TJP3: variants seen among roughly 807,000 people sequenced by gnomAD.
TJP3 encodes tight junction protein 3.
TJP3 carries 85 observed loss-of-function variants against 104.2 expected under a neutral mutation model. The observed-to-expected ratio is 0.82, with a 90% CI of 0.68 to 0.98. The LOEUF (loss-of-function observed/expected upper bound fraction) is 0.98. Ranked by LOEUF, TJP3 falls within the 50% of genes least tolerant of loss-of-function variation. The pLI is 0.00. For missense variants in TJP3, 1,367 were observed against 1,322.8 expected, an observed-to-expected ratio of 1.03 and a Z score of -0.52; for synonymous variants, 550 against 550.6, an observed-to-expected ratio of 1.00 and a Z score of 0.02.
At chr19:3,715,291 G>A (rs1356736722) in intron 1 of TJP3, among the ~76,000 whole-genome samples, 5 of 151,976 alleles carry the variant, frequency 3.3e-5, no homozygotes, top group African/African-American at 7.2e-5. Flanking sequence ...GGGTTTCACC[G>A]TGTTATCCAG....
chr19:3,721,666 C>A, intron 1 of TJP3: 1 of 343,126 alleles, frequency 2.9e-6, no homozygotes, highest in Non-Finnish European at 5.2e-6. Context: ...AAACCTCCGC[C>A]GCGTCCAGGG....
Position 3,723,235 on chromosome 19 carries a change from A to C in TJP3, c.-9-5189A>C, listed in dbSNP as rs745602792. Among the ~76,000 whole-genome samples, 4 of 152,184 alleles carry C rather than the reference A, an allele frequency of 2.6e-5. No homozygotes were observed. The South Asian group carries it at 8.3e-4, about 31-fold the overall frequency. On this transcript the variant is annotated intron_variant, in intron 1 of 20. Coordinates refer to ENST00000541714, the MANE Select transcript of TJP3 (RefSeq NM_001267560.2). ...ATCCACTCTGACATCCCACACCCCA[A>C]TCATCACATTTGGGCCAGAGGGAAG...
At chr19:3,748,177 G>A (rs1488590925) in intron 19 of TJP3, 96 bp downstream of exon 19, 28 of 1,416,762 alleles carry the variant, frequency 2.0e-5, no homozygotes, top group East Asian at 7.5e-5. Flanking sequence ...CTACCAGGAC[G>A]TCAACAAACA....
At chr19:3,749,644 C>G (rs1363928705) in intron 19 of TJP3, 1 of 155,800 alleles carries the variant, frequency 6.4e-6, no homozygotes, top group African/African-American at 2.4e-5. Flanking sequence ...CAGCGCCCAG[C>G]TGTAGTTGGG....
Position 3,730,269 on chromosome 19 carries a change from G to T in TJP3, c.262-86G>T. Reference sequence around the variant, plus strand: ...GACATTGAGGCCCAGAGAGAGACTGGTGTCCCCCAGGGCCACCCGGGGGCT... The same window carrying T: ...GACATTGAGGCCCAGAGAGAGACTGTTGTCCCCCAGGGCCACCCGGGGGCT... On this transcript the variant is annotated intron_variant, in intron 4 of 20. Transcript: ENST00000541714. This position sits in a 1 kb window ranked among gnomAD's most constrained non-coding sequence, Gnocchi z 7.3. 6.7e-7 allele frequency: 1 copy of T among 1,483,198 alleles called. No homozygotes were observed. The highest frequency in any genetic ancestry group is 9.2e-7 in the Non-Finnish European group (1 of 1,091,878). The allele number at this position is 1,483,198 out of a possible 1,614,324, so 91.9% of individuals were successfully genotyped here.
intron 1 of TJP3, among the ~76,000 whole-genome samples, chr19:3,727,424 A>T (rs1005174350): frequency 1.3e-5 from 2 of 150,398 alleles, no homozygotes; most frequent in Non-Finnish European, 1.5e-5. Flanking sequence ...CGGAGGTTGC[A>T]GTGAGCCAAG....
In TJP3 at chr19:3,747,969, T is replaced by C. The variant is rs371258769; in HGVS notation, c.2498T>C (p.Val833Ala). 2.2e-5 allele frequency: 35 copies of C among 1,612,560 alleles called. No homozygotes were observed. Among genetic ancestry groups the C allele is most frequent in the Non-Finnish European group, 2.9e-5 (34 of 1,179,756 alleles). The change falls in exon 19 of 21, where the codon GTG becomes GCG. Residue 833 changes from valine (V) to alanine (A), a missense_variant. Coordinates refer to ENST00000541714, the MANE Select transcript of TJP3 (RefSeq NM_001267560.2). ...TDGEGGPYTD[V>A]DDEPPAPALA... ...GGCGAGGGGGGGCCCTACACGGATG[T>C]GGATGATGAGCCCCCGGCTCCAGCC...
chr19:3,718,179 G>A (rs1295761917), intron 1 of TJP3, among the ~76,000 whole-genome samples: 2 of 135,660 alleles, frequency 1.5e-5, no homozygotes, highest in African/African-American at 2.7e-5. Context: ...GCAACAGGGC[G>A]AGACTCCAAC....
intron 1 of TJP3, among the ~76,000 whole-genome samples, chr19:3,716,980 T>TAG (rs2036484440): frequency 7.1e-6 from 1 of 140,350 alleles, no homozygotes; most frequent in Admixed American, 7.3e-5. Context: ...TTTTTTTTTT[T>TAG]TTGAGACGGA....
In TJP3 at chr19:3,719,936, G is replaced by T. The variant is rs542148049; in HGVS notation, c.-9-8488G>T. On this transcript the variant is annotated intron_variant, in intron 1 of 20. Coordinates refer to ENST00000541714, the MANE Select transcript of TJP3 (RefSeq NM_001267560.2). ...TTTTTATTTATTTTGTATGGAGATT[G>T]GGTCTCGCTATATTGCCCAGCCTGG... Among the ~76,000 whole-genome samples, 4 of 152,232 alleles carry T rather than the reference G, an allele frequency of 2.6e-5. No individual in the cohort carries two copies. In the South Asian group the frequency reaches 8.3e-4, roughly 32 times the overall value.
In TJP3 at chr19:3,747,882, A is replaced by T; in HGVS notation, c.2411A>T (p.Asn804Ile). ...GACCTCAGCTGCGACAGCCGCGTTA[A>T]CAGCGACTACGAGACGGACGGCGAG... ...SADLSCDSRVNSDYETDGEGG... is the reference protein window; with the variant it reads ...SADLSCDSRVISDYETDGEGG... Residue 804 changes from asparagine (N) to isoleucine (I), a missense_variant, in exon 19 of 21, where the codon AAC becomes ATC. Transcript: ENST00000541714. 6.2e-7 allele frequency: 1 copy of T among 1,613,182 alleles called. No homozygotes were observed. The highest frequency in any genetic ancestry group is 1.1e-5 in the South Asian group (1 of 91,052).
intron 14 of TJP3, 148 bp downstream of exon 14, chr19:3,740,911 T>C: frequency 1.4e-6 from 1 of 694,730 alleles, no homozygotes; most frequent in Non-Finnish European, 2.1e-6. Context: ...GAGGCCGAGG[T>C]AGGAGGATCG....
At chr19:3,739,162 G>T in intron 13 of TJP3, 28 bp downstream of exon 13, 1 of 1,492,512 alleles carries the variant, frequency 6.7e-7, no homozygotes, top group Non-Finnish European at 8.9e-7. Context: ...CTGCAGTGGG[G>T]CACTTCTGCT....
rs188976695 is a variant in TJP3 at position 3,728,041 on chromosome 19, G to A, written c.-9-383G>A. ...GATCACTTGAGGCCAGAAGTTAAAGGCCAGTCTGGCCAATGTGGTGAAACC... is the reference window on the plus strand; with the variant it reads ...GATCACTTGAGGCCAGAAGTTAAAGACCAGTCTGGCCAATGTGGTGAAACC... On this transcript the variant is annotated intron_variant, in intron 1 of 20. Coordinates refer to ENST00000541714, the MANE Select transcript of TJP3 (RefSeq NM_001267560.2). Among the ~76,000 whole-genome samples the A allele has an allele frequency of 6.6e-5, 10 of 152,154 alleles. No homozygotes were observed. In the East Asian group the frequency reaches 1.9e-3, roughly 29 times the overall value.
chr19:3,717,412 T>C (rs1258916038), intron 1 of TJP3, among the ~76,000 whole-genome samples: 1 of 105,130 alleles, frequency 9.5e-6, no homozygotes, highest in East Asian at 2.0e-4. Context: ...AGCTTATATA[T>C]ATATATATAT....
At chr19:3,738,470 G>C (rs1436201751) in intron 11 of TJP3, 85 bp from the exon 12 acceptor site, 3 of 1,251,376 alleles carry the variant, frequency 2.4e-6, no homozygotes, top group Non-Finnish European at 1.1e-6. Flanking sequence ...CTGGGGCTGA[G>C]TTTTGCCCAG....
Position 3,735,886 on chromosome 19 carries a change from A to T in TJP3, c.1078A>T (p.Ser360Cys). ...CCTTTCAGAGTTGCCCAGGGAAAGC[A>T]GCTATGACATCTACAGAGTGCCCAG... ...EQRSELPRESSYDIYRVPSSQ... is the reference protein window; with the variant it reads ...EQRSELPRESCYDIYRVPSSQ... Residue 360 changes from serine (S) to cysteine (C), a missense_variant, in exon 10 of 21, where the codon AGC (serine) becomes TGC (cysteine). By Grantham distance (112) the Ser-to-Cys change is moderately radical. Transcript: ENST00000541714. The T allele has an allele frequency of 6.2e-7, 1 of 1,614,140 alleles. No individual in the cohort carries two copies.
intron 1 of TJP3, among the ~76,000 whole-genome samples, chr19:3,727,483 CAAAAAAAA>C (rs36057859): frequency 1.2e-5 from 1 of 86,650 alleles, no homozygotes; most frequent in African/African-American, 4.0e-5. Context: ...AACTCTGTCT[CAAAAAAAA>C]AAAAAAAAAA....
Position 3,746,416 on chromosome 19 carries a change from TTCTA to T in TJP3, c.2011-65_2011-62del, listed in dbSNP as rs562341893. On this transcript the variant is annotated intron_variant, in intron 16 of 20. Coordinates refer to ENST00000541714, the MANE Select transcript of TJP3 (RefSeq NM_001267560.2). This position sits in a 1 kb window ranked among gnomAD's most constrained non-coding sequence, Gnocchi z 4.1. ...CACTCTGACCTCAGACTCTTCATCT[TTCTA>T]TCTTTCTCTCTCTGTTTACCCTGCT... The T allele has an allele frequency of 6.3e-3, 9,691 of 1,540,266 alleles. 35 individuals are homozygous for T. Among genetic ancestry groups the T allele is most frequent in the Non-Finnish European group, 7.5e-3 (8,477 of 1,123,448 alleles).
Sources: allele counts gnomAD v4.1 joint callset (sites outside exome capture counted in the v4.1 genomes callset), GRCh38; gene constraint gnomAD v4.1.1; non-coding constraint Gnocchi (gnomAD v3.1); transcripts MANE v1.5; gene names NCBI Gene and HGNC (gene_info 2026-07-23, HGNC 2026-07-21).